The following LY9 variants were observed in gnomAD, a reference collection of about 807,000 sequenced individuals.
LY9 encodes lymphocyte antigen 9, also known as T-lymphocyte surface antigen Ly-9.
A neutral mutation model predicts 64.6 loss-of-function variants in LY9; 59 were observed. That is an observed-to-expected ratio of 0.91 (90% CI 0.74 to 1.13). The LOEUF is 1.13. Among genes scored for constraint, LY9 ranks in the 50% most tolerant of loss-of-function variants. The probability of loss-of-function intolerance (pLI) is 0.00; values close to 1 mark genes in which losing one functional copy is unlikely to be tolerated. For synonymous variants in LY9, 281 were observed against 308.5 expected (o/e 0.91, Z 0.93); for missense variants, 789 against 797.2 (o/e 0.99, Z 0.12).
At chr1:160,800,481 A>C (rs1449715044) in intron 2 of LY9, among the ~76,000 whole-genome samples, 2 of 152,210 alleles carry the variant, frequency 1.3e-5, no homozygotes, top group African/African-American at 4.8e-5. Context: ...TATTTAACTT[A>C]AGATAATGAC....
At chr1:160,802,085 C>T (rs1254972903) in intron 2 of LY9, 32 of 1,385,288 alleles carry the variant, frequency 2.3e-5, no homozygotes, top group Non-Finnish European at 2.8e-5. Context: ...CGCCGCCTCC[C>T]ATGGCACGTC....
chr1:160,806,828 T>C (rs1204010279), intron 2 of LY9, among the ~76,000 whole-genome samples: 1 of 152,204 alleles, frequency 6.6e-6, no homozygotes, highest in Non-Finnish European at 1.5e-5. Context: ...AATCAGCTCT[T>C]TGTCTCTTTG....
intron 7 of LY9, among the ~76,000 whole-genome samples, 173 bp downstream of exon 7, chr1:160,819,547 C>T (rs551996214): frequency 2.0e-5 from 3 of 151,992 alleles, no homozygotes; most frequent in African/African-American, 7.2e-5. Flanking sequence ...CCCAGCACTT[C>T]GGGAGGCTGA....
intron 1 of LY9, among the ~76,000 whole-genome samples, chr1:160,797,890 CG>C (rs1666048487): frequency 6.9e-6 from 1 of 144,880 alleles, no homozygotes; most frequent in Admixed American, 6.9e-5. Context: ...CACACACACA[CG>C]TATAGTGGCA....
intron 5 of LY9, among the ~76,000 whole-genome samples, 172 bp from the exon 6 acceptor site, chr1:160,818,046 G>T (rs1285962905): frequency 6.6e-6 from 1 of 152,152 alleles, no homozygotes; most frequent in Admixed American, 6.5e-5. Flanking sequence ...ATAACCTCTT[G>T]CCTAGAGTAA....
chr1:160,803,820 C>G (rs1399291476), intron 2 of LY9, among the ~76,000 whole-genome samples: 1 of 152,170 alleles, frequency 6.6e-6, no homozygotes, highest in Admixed American at 6.5e-5. Flanking sequence ...CCAGCCTGAG[C>G]AACATGGCAA....
chr1:160,813,676 G>T lies in LY9; in HGVS notation c.495G>T (p.Lys165Asn). The T allele has an allele frequency of 1.2e-6, 2 of 1,614,126 alleles. No homozygotes were observed. Among genetic ancestry groups the T allele is most frequent in the South Asian group, 2.2e-5 (2 of 91,078 alleles). ...CCCAAGTCACCATGAAGTCTGTGAA[G>T]GTGTCTGAGAACTTCTCCTGTAACA... ...QEPQVTMKSV[K>N]VSENFSCNIT... Residue 165 changes from lysine to asparagine, a missense_variant, in exon 3 of 10, where the codon AAG becomes AAT. Physicochemically the swap from Lys to Asn is moderately conservative, Grantham distance 94. Coordinates refer to ENST00000263285, the MANE Select transcript of LY9 (RefSeq NM_002348.4).
Position 160,796,329 on chromosome 1 carries a change from C to A in LY9, c.124+18C>A. On this transcript the variant is annotated intron_variant, in intron 1 of 9. Transcript: ENST00000263285. ...GCTCATGGGTAAGTCCACTTTATGG[C>A]CACCACTTCTTGCTACTGCGGTTCT... 1 of 1,608,942 alleles carries A rather than the reference C, an allele frequency of 6.2e-7. No individual in the cohort carries two copies. The highest frequency in any genetic ancestry group is 8.5e-7 in the Non-Finnish European group (1 of 1,177,888).
intron 1 of LY9, among the ~76,000 whole-genome samples, chr1:160,798,454 A>G (rs1224415660): frequency 1.3e-5 from 2 of 152,220 alleles, no homozygotes; most frequent in Non-Finnish European, 2.9e-5. Context: ...TAAAGTACCT[A>G]ATGCACACAT....
intron 2 of LY9, among the ~76,000 whole-genome samples, chr1:160,800,961 C>T (rs1462498722): frequency 6.6e-6 from 1 of 152,156 alleles, no homozygotes; most frequent in Non-Finnish European, 1.5e-5. Context: ...ATCCATTCTT[C>T]CGCTAAGGGA....
At chr1:160,824,298 C>A (rs763032747) in intron 9 of LY9, 49 bp downstream of exon 9, 8 of 1,611,782 alleles carry the variant, frequency 5.0e-6, no homozygotes, top group Middle Eastern at 1.7e-4. Context: ...GAGTGAGGAA[C>A]TATTCCTTAG....
Position 160,827,950 on chromosome 1 carries a change from C to T in LY9, c.*134C>T, listed in dbSNP as rs1442131947. 2 of 655,108 alleles carry T rather than the reference C, an allele frequency of 3.1e-6. No homozygotes were observed. The highest frequency in any genetic ancestry group is 2.6e-5 in the Admixed American group (1 of 38,936). The allele number at this position is 655,108 out of a possible 1,614,324, so 40.6% of individuals were successfully genotyped here. ...TGCCTCAGAGATGCCTGGATGTGGC[C>T]CCTCCCCCTCCTTCTCACCCTTAAG... On this transcript the variant is annotated 3_prime_UTR_variant, in exon 10 of 10. Coordinates refer to ENST00000263285, the MANE Select transcript of LY9 (RefSeq NM_002348.4).
At position 160,816,618 on chromosome 1, in the gene LY9, C is replaced by T. The variant is rs571520073; in HGVS notation, c.1097C>T (p.Thr366Met). 64 of 1,608,700 alleles carry T rather than the reference C, an allele frequency of 4.0e-5. 1 individual carries two copies. The highest frequency in any genetic ancestry group is 5.3e-5 in the African/African-American group (4 of 74,968). Residue 366 changes from threonine to methionine, a missense_variant, in exon 5 of 10, where the codon ACG (threonine) becomes ATG (methionine). Thr to Met is a moderately conservative substitution (Grantham distance 81, BLOSUM62 -1). Coordinates refer to ENST00000263285, the MANE Select transcript of LY9 (RefSeq NM_002348.4). ...IYRRLRKPKITWSLRHSEDGI... is the reference protein window; with the variant it reads ...IYRRLRKPKIMWSLRHSEDGI... The stretch of plus-strand genomic sequence containing the variant: ...GGCAGGCTGAGGAAGCCCAAAATCA[C>T]GTGGAGCCTCAGGCACAGTGAGGAT...
At chr1:160,815,016 C>T in intron 4 of LY9, 1 of 524,838 alleles carries the variant, frequency 1.9e-6, no homozygotes, top group Non-Finnish European at 3.4e-6. Context: ...ACTTTAGGTG[C>T]TTGCCCCGGT....
At chr1:160,821,151 T>A (rs368206231) in intron 7 of LY9, among the ~76,000 whole-genome samples, 15 of 105,052 alleles carry the variant, frequency 1.4e-4, no homozygotes, top group South Asian at 4.1e-4. Context: ...GAAACTTTGC[T>A]AAAAAAAAAA....
chr1:160,824,822 A>C lies in LY9; in HGVS notation c.1899+573A>C, dbSNP rs544335263. ...GTGAAACTCCGTCTCTACTAAAAAT[A>C]CAAAAAAAATTAGCCAGGCGTGGTG... On this transcript the variant is annotated intron_variant, in intron 9 of 9. Coordinates refer to ENST00000263285, the MANE Select transcript of LY9 (RefSeq NM_002348.4). 7.8e-5 allele frequency: 12 copies of C among 153,108 alleles called. No individual in the cohort carries two copies. The South Asian group carries it at 3.1e-3, about 39-fold the overall frequency. The allele number at this position is 153,108 out of a possible 1,614,324, so 9.5% of individuals were successfully genotyped here. A position where few individuals can be genotyped will look rare whatever the true frequency, so the allele number is the denominator to read the frequency against.
chr1:160,827,305 C>T (rs1251283004), intron 9 of LY9, among the ~76,000 whole-genome samples: 1 of 152,182 alleles, frequency 6.6e-6, no homozygotes, highest in Non-Finnish European at 1.5e-5. Context: ...TGAACACTCT[C>T]AGACAGGGAA....
Position 160,813,839 on chromosome 1 carries a change from T to G in LY9, c.658T>G (p.Tyr220Asp), listed in dbSNP as rs371256148. Reference protein sequence around the residue: ...SRTPCDPDLPYICTAQNPVSQ... With the variant: ...SRTPCDPDLPDICTAQNPVSQ... ...AACACCATGTGACCCAGACCTGCCATACATCTGCACAGCCCAGAACCCCGT... is the reference window on the plus strand; with the variant it reads ...AACACCATGTGACCCAGACCTGCCAGACATCTGCACAGCCCAGAACCCCGT... Residue 220 changes from tyrosine to aspartate, a missense_variant, in exon 3 of 10, where the codon TAC becomes GAC. Coordinates refer to ENST00000263285, the MANE Select transcript of LY9 (RefSeq NM_002348.4). The G allele has an allele frequency of 4.1e-5, 66 of 1,614,062 alleles. No homozygotes were observed. The highest frequency in any genetic ancestry group is 5.0e-5 in the Non-Finnish European group (59 of 1,180,044).
chr1:160,817,121 C>T (rs534584611), intron 5 of LY9, among the ~76,000 whole-genome samples: 54 of 152,214 alleles, frequency 3.5e-4, no homozygotes, highest in Non-Finnish European at 5.7e-4. Context: ...CATTATTCAA[C>T]GTGTATTCAA....
Sources: allele counts gnomAD v4.1 joint callset (sites outside exome capture counted in the v4.1 genomes callset), GRCh38; gene constraint gnomAD v4.1.1; transcripts MANE v1.5; gene names NCBI Gene and HGNC (gene_info 2026-07-23, HGNC 2026-07-21).